The following ATP11C variants were observed in gnomAD, a reference collection of about 807,000 sequenced individuals.
ATP11C encodes the protein phospholipid-transporting ATPase IG.
In ATP11C, 36 loss-of-function variants were observed where a neutral mutation model predicts 97.4. The ratio of observed to expected loss-of-function variants is 0.37; its 90% CI spans 0.28 to 0.49. ATP11C has a LOEUF of 0.49. Among genes scored for constraint, ATP11C ranks in the 20% least tolerant of loss-of-function variants. ATP11C has a pLI of 0.98. For synonymous variants in ATP11C, 275 were observed against 290.9 expected (o/e 0.95, Z 0.56); for missense variants, 730 against 824.6 (o/e 0.89, Z 1.40).
intron 1 of ATP11C, among the ~76,000 whole-genome samples, chrX:139,857,745 T>C (rs997944067): frequency 1.8e-4 from 20 of 109,707 alleles, no homozygotes; most frequent in African/African-American, 6.0e-4. Context: ...CCCTTCTATA[T>C]AGAAGTACCT....
Position 139,797,275 on chromosome X carries a change from A to G in ATP11C, c.909T>C (p.Ala303=). ...IVYLFILLTK[A]AVCTTLKYVW... is the part of the protein sequence containing the mutation. The stretch of plus-strand genomic sequence containing the variant: ...CATACTTTAGAGTAGTGCATACTGC[A>G]GCTTTGGTCAGTAAGATAAATAAAT... Residue 303 remains alanine, a synonymous_variant, in exon 11 of 30, where the codon GCT becomes GCC. Coordinates refer to ENST00000682941, the MANE Select transcript of ATP11C (RefSeq NM_001353812.2). 8.5e-7 allele frequency: 1 copy of G among 1,181,948 alleles called. No homozygotes were observed. Among genetic ancestry groups the G allele is most frequent in the Middle Eastern group, 2.3e-4 (1 of 4,274 alleles).
chrX:139,788,113 G>A (rs1305591104), intron 14 of ATP11C, 79 bp downstream of exon 14: 1 of 951,429 alleles, frequency 1.1e-6, no homozygotes, highest in Non-Finnish European at 1.4e-6. Context: ...GGTCACTGAA[G>A]CAAACGGAAA....
chrX:139,848,122 G>A (rs979971933), intron 1 of ATP11C, among the ~76,000 whole-genome samples: 3 of 111,561 alleles, frequency 2.7e-5, no homozygotes, highest in African/African-American at 9.8e-5. Context: ...CTTCTTATCT[G>A]TAGTGACCTT....
At chrX:139,742,872 AAAAAATATATATATATATATATATAT>A (rs1249359636) in intron 26 of ATP11C, among the ~76,000 whole-genome samples, 1 of 24,214 alleles carries the variant, frequency 4.1e-5, no homozygotes, top group African/African-American at 1.3e-4. Context: ...ATTAAAAAAA[AAAAAATATATATATATATATATATAT>A]ATATATATAT....
chrX:139,783,106 T>C (rs1206169762), intron 17 of ATP11C, 58 bp downstream of exon 17: 19 of 793,584 alleles, frequency 2.4e-5, no homozygotes, highest in East Asian at 1.3e-4. Flanking sequence ...CCAATAAACA[T>C]AGTCATTTTC....
chrX:139,727,374 G>A lies in ATP11C; in HGVS notation c.*1592C>T, dbSNP rs191468476. 6 of 111,578 alleles carry A rather than the reference G, an allele frequency of 5.4e-5. No homozygotes were observed. The Admixed American group carries it at 5.7e-4, about 11-fold the overall frequency. The allele number at this position is 111,578 out of a possible 1,213,427, so 9.2% of individuals were successfully genotyped here. A position where few individuals can be genotyped will look rare whatever the true frequency, so the allele number is the denominator to read the frequency against. On this transcript the variant is annotated 3_prime_UTR_variant, in exon 30 of 30. Coordinates refer to ENST00000682941, the MANE Select transcript of ATP11C (RefSeq NM_001353812.2). ...GGGCTACCAGAACACAGCACACTTA[G>A]GTAAGTTGTGAATGACATGTAACAA...
intron 19 of ATP11C, among the ~76,000 whole-genome samples, chrX:139,774,195 G>C (rs762397839): frequency 1.8e-5 from 2 of 111,820 alleles, no homozygotes; most frequent in East Asian, 5.7e-4. Context: ...CTTCCTAGTT[G>C]AAAGTAGAGT....
chrX:139,811,835 T>C (rs946782940), intron 5 of ATP11C, among the ~76,000 whole-genome samples: 1 of 111,240 alleles, frequency 9.0e-6, no homozygotes, highest in Non-Finnish European at 1.9e-5. Flanking sequence ...ACCTACTTCA[T>C]ATGGCTGTTG....
rs187057982 is a variant in ATP11C at position 139,787,290 on chromosome X, T to C, written c.1521-46A>G. On this transcript the variant is annotated intron_variant, in intron 14 of 29. Coordinates refer to ENST00000682941, the MANE Select transcript of ATP11C (RefSeq NM_001353812.2). ...GACCTTGTGTATCTCTAAAGAATGA[T>C]TAATTTTTTTATTATTATTTTTTTT... The C allele has an allele frequency of 6.8e-5, 70 of 1,028,046 alleles. 1 individual carries two copies. In the Admixed American group the frequency reaches 1.7e-3, roughly 25 times the overall value. 84.7% of individuals were successfully genotyped at this position (1,028,046 alleles called of 1,213,427 possible).
At chrX:139,755,789 C>G (rs113827650) in intron 23 of ATP11C, among the ~76,000 whole-genome samples, 26 of 111,972 alleles carry the variant, frequency 2.3e-4, no homozygotes, top group African/African-American at 8.4e-4. Context: ...AAGATTGAAA[C>G]TGGACCCGTT....
intron 10 of ATP11C, 56 bp downstream of exon 10, chrX:139,798,217 C>T: frequency 9.7e-7 from 1 of 1,034,066 alleles, no homozygotes; most frequent in South Asian, 2.1e-5. Context: ...TTGGAATTAC[C>T]AAGAAAGTAA....
chrX:139,805,817 A>G (rs982883196), intron 5 of ATP11C, among the ~76,000 whole-genome samples: 3 of 112,249 alleles, frequency 2.7e-5, no homozygotes, highest in African/African-American at 9.7e-5. Flanking sequence ...TTCAAGACCT[A>G]TTCAGGAAGA....
chrX:139,897,236 G>C (rs1339993343), intron 1 of ATP11C, among the ~76,000 whole-genome samples: 3 of 110,709 alleles, frequency 2.7e-5, no homozygotes, highest in African/African-American at 9.9e-5. Context: ...AATAATAAGG[G>C]AAACTGGGTA....
chrX:139,799,357 T>C (rs1317947509), intron 8 of ATP11C, among the ~76,000 whole-genome samples: 2 of 111,770 alleles, frequency 1.8e-5, no homozygotes, highest in African/African-American at 6.5e-5. Context: ...GCCTTTCATT[T>C]TACGTAAGTC....
intron 11 of ATP11C, 105 bp from the exon 12 acceptor site, chrX:139,796,575 C>T (rs2082801559): frequency 1.9e-6 from 1 of 530,153 alleles, no homozygotes; most frequent in African/African-American, 2.4e-5. Context: ...GCTGAAAACA[C>T]TGCTCTTGCT....
At chrX:139,810,143 G>A (rs1479527215) in intron 5 of ATP11C, among the ~76,000 whole-genome samples, 12 of 111,168 alleles carry the variant, frequency 1.1e-4, no homozygotes, top group African/African-American at 2.0e-4. Context: ...TGAACACAAC[G>A]GAATTAAATT....
At chrX:139,754,068 A>C (rs963827472) in intron 23 of ATP11C, among the ~76,000 whole-genome samples, 1 of 111,370 alleles carries the variant, frequency 9.0e-6, no homozygotes, top group African/African-American at 3.3e-5. Context: ...AATAATATAC[A>C]TAGACCATTA....
chrX:139,738,197 C>A, intron 27 of ATP11C, 128 bp from the exon 28 acceptor site: 1 of 466,442 alleles, frequency 2.1e-6, no homozygotes, highest in Non-Finnish European at 3.2e-6. Context: ...AAATAATTTT[C>A]TCTAGAATAT....
intron 1 of ATP11C, among the ~76,000 whole-genome samples, chrX:139,832,668 A>G (rs2083675373): frequency 8.9e-6 from 1 of 112,250 alleles, no homozygotes; most frequent in Non-Finnish European, 1.9e-5. Flanking sequence ...GTAGTTTAAG[A>G]GGAAGAGACA....
Sources: allele counts gnomAD v4.1 joint callset (sites outside exome capture counted in the v4.1 genomes callset), GRCh38; gene constraint gnomAD v4.1.1; transcripts MANE v1.5; gene names NCBI Gene and HGNC (gene_info 2026-07-23, HGNC 2026-07-21).